NUP88: variants seen among roughly 807,000 people sequenced by gnomAD.
NUP88 encodes the protein nucleoporin 88.
A neutral mutation model predicts 93.9 loss-of-function variants in NUP88; 57 were observed. The observed-to-expected ratio is 0.61, with a 90% CI of 0.49 to 0.76. The LOEUF (loss-of-function observed/expected upper bound fraction) is 0.76, where lower values mean the gene tolerates loss of function less well. Ranked by LOEUF, NUP88 falls within the 30% of genes least tolerant of loss-of-function variation. NUP88 has a pLI of 0.00. For missense variants in NUP88, 911 were observed against 901.0 expected (o/e 1.01, Z -0.14); for synonymous variants, 346 against 336.8 (o/e 1.03, Z -0.30).
At chr17:5,404,852 G>A (rs1913400192) in intron 6 of NUP88, among the ~76,000 whole-genome samples, 5 of 152,180 alleles carry the variant, frequency 3.3e-5, no homozygotes, top group Admixed American at 3.3e-4. Context: ...CAGACTGGTG[G>A]ACCAAGTAAG....
rs149760662 is a variant in NUP88, at chr17:5,387,806, T to C, written c.1742A>G (p.Asp581Gly). ...VFREQYILKQDLAKEEIQRRV... is the reference protein window; with the variant it reads ...VFREQYILKQGLAKEEIQRRV... ...CCGCTGAATCTCCTCCTTTGCCAAG[T>C]CCTGTTTGAGAATGTACTGCTCTCT... Residue 581 changes from aspartate to glycine, a missense_variant, in exon 12 of 17, where the codon GAC (aspartate) becomes GGC (glycine). Coordinates refer to ENST00000573584, the MANE Select transcript of NUP88 (RefSeq NM_002532.6). 4.4e-3 allele frequency: 7,132 copies of C among 1,612,860 alleles called. 22 individuals are homozygous for C. Among genetic ancestry groups the C allele is most frequent in the Non-Finnish European group, 5.6e-3 (6,569 of 1,179,738 alleles).
At chr17:5,410,275 T>C (rs1436463219) in intron 4 of NUP88, among the ~76,000 whole-genome samples, 1 of 152,224 alleles carries the variant, frequency 6.6e-6, no homozygotes. Context: ...AGGCAAATCA[T>C]AAAACCATGC....
chr17:5,387,690 T>TA lies in NUP88; in HGVS notation c.1770-21dup, dbSNP rs779410995. 1.6e-5 allele frequency: 25 copies of TA among 1,609,432 alleles called. No homozygotes were observed. The South Asian group carries it at 2.0e-4, about 13-fold the overall frequency. ...TTGACCCTTTAAAAACAAAAAGAAA[T>TA]AGAGTTTATTCAGAAGCCAGGTCTA... On this transcript the variant is annotated intron_variant, in intron 12 of 16. Coordinates refer to ENST00000573584, the MANE Select transcript of NUP88 (RefSeq NM_002532.6).
chr17:5,410,246 C>T (rs1011540513), intron 4 of NUP88, among the ~76,000 whole-genome samples: 1 of 152,304 alleles, frequency 6.6e-6, no homozygotes, highest in African/African-American at 2.4e-5. Flanking sequence ...AGCAAATATA[C>T]ATTACATGTA....
intron 5 of NUP88, among the ~76,000 whole-genome samples, chr17:5,406,858 T>C (rs1192971485): frequency 2.6e-5 from 4 of 152,202 alleles, no homozygotes; most frequent in Non-Finnish European, 5.9e-5. Flanking sequence ...AAGGCTGTCC[T>C]GGGCTGCGCG....
At chr17:5,387,188 A>ATGAATCTGGTGTTTC (rs1912055876) in intron 14 of NUP88, 78 bp from the exon 15 acceptor site, 6 of 1,519,790 alleles carry the variant, frequency 3.9e-6, no homozygotes, top group Middle Eastern at 1.7e-4. Context: ...CTCATAATTC[A>ATGAATCTGGTGTTTC]TGAATCTGGT....
At chr17:5,392,718 G>C (rs961032423) in intron 9 of NUP88, among the ~76,000 whole-genome samples, 1 of 152,138 alleles carries the variant, frequency 6.6e-6, no homozygotes, top group African/African-American at 2.4e-5. Flanking sequence ...TTGCTTTATA[G>C]TTTTCCTATC....
At chr17:5,403,161 T>C (rs1298532572) in intron 7 of NUP88, among the ~76,000 whole-genome samples, 2 of 152,060 alleles carry the variant, frequency 1.3e-5, no homozygotes, top group Non-Finnish European at 2.9e-5. Flanking sequence ...CTGGCCAACA[T>C]GGTGAAATCC....
chr17:5,404,180 A>T lies in NUP88; in HGVS notation c.1111T>A (p.Leu371Met). Residue 371 changes from leucine to methionine, a missense_variant, in exon 7 of 17, where the codon TTG becomes ATG. Leu to Met is a conservative substitution (Grantham distance 15). Coordinates refer to ENST00000573584, the MANE Select transcript of NUP88 (RefSeq NM_002532.6). Reference sequence around the variant, plus strand: ...GATGCCAGTTTCAAAGCAAGCTCCAACTCAACACATTCAAACACATACAGA... The same window carrying T: ...GATGCCAGTTTCAAAGCAAGCTCCATCTCAACACATTCAAACACATACAGA... ...PSLYVFECVELELALKLASGE... is the reference protein window; with the variant it reads ...PSLYVFECVEMELALKLASGE... 6.2e-7 allele frequency: 1 copy of T among 1,614,112 alleles called. No homozygotes were observed. The highest frequency in any genetic ancestry group is 8.5e-7 in the Non-Finnish European group (1 of 1,179,938).
rs938954183 is a variant in NUP88, at chr17:5,403,700, G to A, written c.1192+399C>T. ...AACAACAAAATCCATTTGGTCTGTC[G>A]ATGGACACAGGTTGATTCAGCATCT... On this transcript the variant is annotated intron_variant, in intron 7 of 16. Transcript: ENST00000573584. 1.9e-4 allele frequency among the ~76,000 whole-genome samples: 29 copies of A among 152,136 alleles called. 1 individual carries two copies. The highest frequency in any genetic ancestry group is 1.9e-4 in the East Asian group (1 of 5,172).
intron 7 of NUP88, among the ~76,000 whole-genome samples, chr17:5,400,652 TAGC>T (rs1287897941): frequency 6.6e-6 from 1 of 152,194 alleles, no homozygotes; most frequent in African/African-American, 2.4e-5. Context: ...GTGGTTAAAA[TAGC>T]AGCTCTGTAG....
Position 5,386,772 on chromosome 17 carries a change from GA to G in NUP88, c.2097del (p.Pro700GlnfsTer19). On this transcript the variant is annotated frameshift_variant, in exon 16 of 17. Transcript: ENST00000573584. LOFTEE classifies it high-confidence loss of function. ...QQQKMEKVLS[L>X]PKPTIILSAY... ...GCACTGAGAATAATGGTGGGTTTTG[GA>G]AGACTCAACACCTTCTCCATCTTTT... 1 of 1,614,058 alleles carries G rather than the reference GA, an allele frequency of 6.2e-7. No individual in the cohort carries two copies. The highest frequency in any genetic ancestry group is 8.5e-7 in the Non-Finnish European group (1 of 1,179,950).
intron 3 of NUP88, among the ~76,000 whole-genome samples, chr17:5,413,399 T>A (rs1230974542): frequency 6.6e-6 from 1 of 152,202 alleles, no homozygotes; most frequent in Non-Finnish European, 1.5e-5. Flanking sequence ...TAGAGCACAG[T>A]TAAAAGCAGT....
intron 3 of NUP88, among the ~76,000 whole-genome samples, chr17:5,412,572 A>G (rs556933807): frequency 2.2e-4 from 33 of 152,258 alleles, no homozygotes; most frequent in African/African-American, 6.5e-4. Context: ...CAGGGCATAG[A>G]GAACTGACAG....
rs550175449 is a variant in NUP88 at position 5,398,994 on chromosome 17, T to C, written c.1291+558A>G. On this transcript the variant is annotated intron_variant, in intron 8 of 16. Coordinates refer to ENST00000573584, the MANE Select transcript of NUP88 (RefSeq NM_002532.6). Reference sequence around the variant, plus strand: ...AGCTCCGCCTCCCAGGTTCACACCATTCTCCTGCCTCAGTCTCCCGAGTAG... The same window carrying C: ...AGCTCCGCCTCCCAGGTTCACACCACTCTCCTGCCTCAGTCTCCCGAGTAG... 3.3e-5 allele frequency among the ~76,000 whole-genome samples: 5 copies of C among 149,396 alleles called. 1 individual carries two copies. In the South Asian group the frequency reaches 8.7e-4, roughly 26 times the overall value.
At chr17:5,414,965 T>A (rs929973574) in intron 2 of NUP88, among the ~76,000 whole-genome samples, 1 of 151,566 alleles carries the variant, frequency 6.6e-6, no homozygotes, top group Non-Finnish European at 1.5e-5. Flanking sequence ...AGACTCTGTC[T>A]CAAAATAAAT....
At chr17:5,410,267 G>A (rs1913754728) in intron 4 of NUP88, among the ~76,000 whole-genome samples, 2 of 151,984 alleles carry the variant, frequency 1.3e-5, no homozygotes, top group Admixed American at 1.3e-4. Flanking sequence ...TATCAAGAAG[G>A]CAAATCATAA....
rs746720489 is a variant in NUP88, at chr17:5,386,183, G to GT, written c.*22dup. The GT allele has an allele frequency of 1.1e-5, 17 of 1,591,484 alleles. No individual in the cohort carries two copies. Among genetic ancestry groups the GT allele is most frequent in the Non-Finnish European group, 1.5e-5 (17 of 1,161,820 alleles). On this transcript the variant is annotated 3_prime_UTR_variant, in exon 17 of 17. Transcript: ENST00000573584. The stretch of plus-strand genomic sequence containing the variant: ...AAGCCTTCAATGGTGTTCAGTTCAG[G>GT]TGTGAGTCAGCTCCTGGTGGTGTCA...
intron 1 of NUP88, among the ~76,000 whole-genome samples, chr17:5,417,234 G>C (rs980402314): frequency 2.0e-5 from 3 of 152,162 alleles, no homozygotes; most frequent in Non-Finnish European, 4.4e-5. Flanking sequence ...GAAGGTTATT[G>C]AGATAGTCAC....
Sources: gnomAD v4.1 joint callset for allele counts (sites outside exome capture counted in the v4.1 genomes callset) on GRCh38, gnomAD v4.1.1 for gene constraint, MANE v1.5 for transcripts, NCBI Gene and HGNC (gene_info 2026-07-23, HGNC 2026-07-21) for gene names.